Variants in GLI2 observed in about 807,000 individuals in gnomAD.
The protein encoded by GLI2 is transcription activator GLI2.
Under a neutral mutation model 78.9 loss-of-function variants are expected in GLI2, and 22 were observed. The observed-to-expected ratio is 0.28, with a 90% CI of 0.20 to 0.40. The LOEUF (loss-of-function observed/expected upper bound fraction) is 0.40, where lower values mean the gene tolerates loss of function less well. Among genes scored for constraint, GLI2 ranks in the 10% least tolerant of loss-of-function variants. GLI2 has a pLI of 1.00. For missense variants in GLI2, 2,097 were observed against 2,213.2 expected (o/e 0.95, Z 1.05); for synonymous variants, 974 against 963.7 (o/e 1.01, Z -0.20).
intron 2 of GLI2, among the ~76,000 whole-genome samples, chr2:120,797,852 T>C (rs1422608131): frequency 6.6e-6 from 1 of 152,190 alleles, no homozygotes; most frequent in East Asian, 1.9e-4. Flanking sequence ...CAAGGACTGT[T>C]TTGGAAAGTA....
intron 2 of GLI2, among the ~76,000 whole-genome samples, chr2:120,924,925 C>T (rs911758273): frequency 1.3e-5 from 2 of 152,220 alleles, no homozygotes; most frequent in African/African-American, 2.4e-5. Flanking sequence ...GGGCTTTTTA[C>T]GTCTTCACCA....
At chr2:120,986,151 A>G in intron 12 of GLI2, 127 bp from the exon 13 acceptor site, 1 of 800,658 alleles carries the variant, frequency 1.2e-6, no homozygotes, top group East Asian at 2.6e-5. Context: ...TCCGCAAGGC[A>G]GCTTCCTTCC....
chr2:120,956,354 G>T (rs1462742621), intron 5 of GLI2, among the ~76,000 whole-genome samples: 8 of 152,104 alleles, frequency 5.3e-5, no homozygotes, highest in African/African-American at 1.9e-4. Context: ...CAGGTATCCT[G>T]GGTAGATGAA....
rs1176991652 is a variant in GLI2 at position 120,835,480 on chromosome 2, G to A, written c.148+38012G>A. On this transcript the variant is annotated intron_variant, in intron 2 of 13. Coordinates refer to ENST00000361492, the MANE Select transcript of GLI2 (RefSeq NM_001374353.1). ...GGCTCAGTGCAACCCCCGTCTCCTGGGTTCCGGAGATTCTCCCGCCTCAGC... is the reference window on the plus strand; with the variant it reads ...GGCTCAGTGCAACCCCCGTCTCCTGAGTTCCGGAGATTCTCCCGCCTCAGC... Among the ~76,000 whole-genome samples the A allele has an allele frequency of 2.6e-5, 4 of 151,616 alleles. No homozygotes were observed. The South Asian group carries it at 8.4e-4, about 32-fold the overall frequency.
rs80266549 is a variant in GLI2 at position 120,876,468 on chromosome 2, A to C, written c.149-50893A>C. On this transcript the variant is annotated intron_variant, in intron 2 of 13. Coordinates refer to ENST00000361492, the MANE Select transcript of GLI2 (RefSeq NM_001374353.1). ...GCTCCAGCAGCCACACTTCCCCCGGAAGCTCACTGATATTCTCCCAGCAGC... is the reference window on the plus strand; with the variant it reads ...GCTCCAGCAGCCACACTTCCCCCGGCAGCTCACTGATATTCTCCCAGCAGC... Among the ~76,000 whole-genome samples, 318 of 152,308 alleles carry C rather than the reference A, an allele frequency of 2.1e-3. 5 individuals carry two copies. The East Asian group carries it at 0.055, about 26-fold the overall frequency.
intron 2 of GLI2, among the ~76,000 whole-genome samples, chr2:120,917,920 T>C (rs1679179833): frequency 6.6e-6 from 1 of 152,172 alleles, no homozygotes; most frequent in Non-Finnish European, 1.5e-5. Context: ...CACCAGAGCT[T>C]GTAGTAGCCA....
At chr2:120,832,913 G>C (rs1686433420) in intron 2 of GLI2, among the ~76,000 whole-genome samples, 1 of 152,090 alleles carries the variant, frequency 6.6e-6, no homozygotes, top group Non-Finnish European at 1.5e-5. Flanking sequence ...CCCTTCCTCA[G>C]CCGGGTGCTG....
chr2:120,989,503 G>T lies in GLI2; in HGVS notation c.3538G>T (p.Gly1180Cys), dbSNP rs1221545910. Residue 1180 changes from glycine to cysteine, a missense_variant, in exon 14 of 14, where the codon GGC becomes TGC. Around this residue, in one of 5 missense-constraint regions of GLI2, gnomAD observed 1,290 missense variants for 1,261.7 expected, o/e 1.02. Coordinates refer to ENST00000361492, the MANE Select transcript of GLI2 (RefSeq NM_001374353.1). Reference sequence around the variant, plus strand: ...GCAAGGCCTACAGGCTAGCCCTGGGGGCCTGGACAGCACGCAGCCACACCT... The same window carrying T: ...GCAAGGCCTACAGGCTAGCCCTGGGTGCCTGGACAGCACGCAGCCACACCT... The part of the protein sequence containing the change: ...SPQGLQASPG[G>C]LDSTQPHLQP... 1.2e-6 allele frequency: 2 copies of T among 1,612,228 alleles called. No homozygotes were observed. Among genetic ancestry groups the T allele is most frequent in the Non-Finnish European group, 1.7e-6 (2 of 1,179,712 alleles).
chr2:120,866,543 GATGACGACAATAGCA>G (rs1233509765), intron 2 of GLI2: 2 of 152,180 alleles, frequency 1.3e-5, no homozygotes, highest in African/African-American at 4.8e-5. Flanking sequence ...GACAAAGAGT[GATGACGACAATAGCA>G]ATGACCCCTC....
intron 2 of GLI2, among the ~76,000 whole-genome samples, chr2:120,798,017 T>C (rs1684488107): frequency 6.6e-6 from 1 of 152,212 alleles, no homozygotes; most frequent in African/African-American, 2.4e-5. Context: ...CTCTGGTTTC[T>C]ACTGGGCCAT....
intron 5 of GLI2, among the ~76,000 whole-genome samples, chr2:120,958,003 CCAGCCGGGCCAGGTGGACTTGAGCT>C (rs1681356989): frequency 6.6e-6 from 1 of 152,162 alleles, no homozygotes; most frequent in Non-Finnish European, 1.5e-5. Flanking sequence ...CAAGGGAGGG[CCAGCCGGGCCAGGTGGACTTGAGCT>C]CAGCCCAGAG....
chr2:120,809,595 C>CG (rs1685134289), intron 2 of GLI2, among the ~76,000 whole-genome samples: 1 of 150,194 alleles, frequency 6.7e-6, no homozygotes, highest in Non-Finnish European at 1.5e-5. Context: ...GAAGGAAGTG[C>CG]GGGGGAGGGA....
intron 3 of GLI2, among the ~76,000 whole-genome samples, chr2:120,928,421 G>A (rs1343662938): frequency 2.0e-5 from 3 of 152,182 alleles, no homozygotes; most frequent in African/African-American, 2.4e-5. Flanking sequence ...CACACTGAGC[G>A]GGGGCTGCTG....
At chr2:120,943,885 A>G (rs1302632484) in intron 3 of GLI2, among the ~76,000 whole-genome samples, 1 of 152,138 alleles carries the variant, frequency 6.6e-6, no homozygotes, top group Admixed American at 6.5e-5. Flanking sequence ...TGGGGGCCCC[A>G]ATCCCTGCAC....
chr2:120,799,701 G>T (rs907936943), intron 2 of GLI2, among the ~76,000 whole-genome samples: 1 of 152,192 alleles, frequency 6.6e-6, no homozygotes, highest in African/African-American at 2.4e-5. Flanking sequence ...CAGTCTTTAT[G>T]ATCTTGGAAC....
intron 2 of GLI2, among the ~76,000 whole-genome samples, chr2:120,839,752 G>A (rs534289298): frequency 6.6e-5 from 10 of 152,074 alleles, no homozygotes; most frequent in East Asian, 1.9e-4. Context: ...TAGTAGAGAC[G>A]TAGTTTCATC....
At chr2:120,743,926 T>G (rs1233305589) in intron 1 of GLI2, among the ~76,000 whole-genome samples, 2 of 152,162 alleles carry the variant, frequency 1.3e-5, no homozygotes, top group African/African-American at 2.4e-5. Context: ...GAGAGTTGGG[T>G]GCCTGTCAAG....
rs1000141302 is a variant in GLI2 at position 120,770,419 on chromosome 2, G to T, written c.-30-26872G>T. On this transcript the variant is annotated intron_variant, in intron 1 of 13. Transcript: ENST00000361492. ...TTCCCAGTTGGACCAGGAGTGCACT[G>T]AGGGTGGGAGCAGTGTTTTGTGTGT... 3.9e-5 allele frequency among the ~76,000 whole-genome samples: 6 copies of T among 152,348 alleles called. No homozygotes were observed. The South Asian group carries it at 1.0e-3, about 26-fold the overall frequency.
At chr2:120,876,042 C>G in intron 2 of GLI2, among the ~76,000 whole-genome samples, 1 of 152,150 alleles carries the variant, frequency 6.6e-6, no homozygotes, top group Non-Finnish European at 1.5e-5. Flanking sequence ...CCAAATGCTC[C>G]TTACAAAAAT....
Sources: allele counts gnomAD v4.1 joint callset (sites outside exome capture counted in the v4.1 genomes callset), GRCh38; gene constraint gnomAD v4.1.1; regional missense constraint gnomAD v4.1.1; transcripts MANE v1.5; gene names NCBI Gene and HGNC (gene_info 2026-07-23, HGNC 2026-07-21).